Variants in ELFN1 observed in about 807,000 individuals in gnomAD.
ELFN1 encodes extracellular leucine rich repeat and fibronectin type III domain containing 1.
A neutral mutation model predicts 7.6 loss-of-function variants in ELFN1; 6 were observed. The ratio of observed to expected loss-of-function variants is 0.79; its 90% CI spans 0.43 to 1.56. ELFN1 has a LOEUF of 1.56. Among genes scored for constraint, ELFN1 ranks in the 40% most tolerant of loss-of-function variants. ELFN1 has a pLI of 0.01. For synonymous variants in ELFN1, 657 were observed against 588.1 expected (o/e 1.12, Z -1.70); for missense variants, 1,169 against 1,232.2 (o/e 0.95, Z 0.77).
At chr7:1,716,781 C>T (rs539605190) in intron 3 of ELFN1, among the ~76,000 whole-genome samples, 69 of 152,276 alleles carry the variant, frequency 4.5e-4, no homozygotes, top group African/African-American at 1.6e-3. Flanking sequence ...GGTCAGAGAG[C>T]GTGCAGGGGA....
chr7:1,717,603 C>G (rs973879910), intron 3 of ELFN1, among the ~76,000 whole-genome samples: 2 of 152,140 alleles, frequency 1.3e-5, no homozygotes, highest in Non-Finnish European at 2.9e-5. Flanking sequence ...CCTGACCTTC[C>G]CAGAGAGGAA....
chr7:1,725,496 T>G (rs1390970533), intron 3 of ELFN1, among the ~76,000 whole-genome samples: 2 of 148,340 alleles, frequency 1.3e-5, no homozygotes, highest in African/African-American at 5.0e-5. Flanking sequence ...GGGGGTGGGG[T>G]GGGAGCAGAA....
Position 1,745,930 on chromosome 7 carries a change from G to A in ELFN1, c.1334G>A (p.Arg445His), listed in dbSNP as rs755798651. 1.9e-5 allele frequency: 29 copies of A among 1,562,568 alleles called. No individual in the cohort carries two copies. In the East Asian group the frequency reaches 1.9e-4, roughly 10 times the overall value. Residue 445 changes from arginine to histidine, a missense_variant, in exon 4 of 4, where the codon CGC becomes CAC. Coordinates refer to ENST00000424383, the MANE Select transcript of ELFN1 (RefSeq NM_001128636.4). ...TACTACTGCCTGCGCAGGCGGCGGC[G>A]CCAGGAGGAGAAGCACAAGAAGGCC... ...AVYYCLRRRR[R>H]QEEKHKKAAS...
rs1038902733 is a variant in ELFN1, at chr7:1,670,624, C to T, written c.-549+270C>T. Among the ~76,000 whole-genome samples the T allele has an allele frequency of 6.6e-5, 10 of 151,850 alleles. No individual in the cohort carries two copies. The highest frequency in any genetic ancestry group is 2.2e-4 in the African/African-American group (9 of 41,154). The stretch of plus-strand genomic sequence containing the variant: ...GGGTCGGGGTCGCTGCCGCAGCCCG[C>T]ACGCTGCCCCGTGCCTCCGAGAGGT... On this transcript the variant is annotated intron_variant, in intron 1 of 3. Coordinates refer to ENST00000424383, the MANE Select transcript of ELFN1 (RefSeq NM_001128636.4). The surrounding 1 kb of genome is among the most constrained non-coding windows in gnomAD (Gnocchi z 6.4).
At chr7:1,723,852 C>A (rs553161794) in intron 3 of ELFN1, among the ~76,000 whole-genome samples, 2 of 152,354 alleles carry the variant, frequency 1.3e-5, no homozygotes, top group Admixed American at 1.3e-4. Context: ...CTGCAAGTTG[C>A]AGTGCACCTG....
At chr7:1,691,234 G>A (rs1779156301) in intron 2 of ELFN1, among the ~76,000 whole-genome samples, 1 of 152,184 alleles carries the variant, frequency 6.6e-6, no homozygotes, top group South Asian at 2.1e-4. Flanking sequence ...CCAGGAGCCA[G>A]GGGCCTCCGG....
intron 2 of ELFN1, among the ~76,000 whole-genome samples, chr7:1,699,808 A>G (rs1295219075): frequency 6.6e-6 from 1 of 152,066 alleles, no homozygotes; most frequent in Non-Finnish European, 1.5e-5. Flanking sequence ...GGTTCAAGCG[A>G]TTCTCCTGCC....
At position 1,705,956 on chromosome 7, in the gene ELFN1, G is replaced by A. The variant is rs1779520725; in HGVS notation, c.-455-3135G>A. On this transcript the variant is annotated intron_variant, in intron 2 of 3. Transcript: ENST00000424383. This position sits in a 1 kb window ranked among gnomAD's most constrained non-coding sequence, Gnocchi z 4.3. ...CTGTGAGCCTTCACCCTGACAAAGG[G>A]ATGGTCACGATCGTCCTTGTTCTAC... is the stretch of plus-strand genomic sequence containing the variant. Among the ~76,000 whole-genome samples the A allele has an allele frequency of 6.6e-6, 1 of 152,202 alleles. No homozygotes were observed. Among genetic ancestry groups the A allele is most frequent in the Admixed American group, 6.5e-5 (1 of 15,280 alleles).
At chr7:1,721,746 G>A (rs749958672) in intron 3 of ELFN1, among the ~76,000 whole-genome samples, 2 of 152,200 alleles carry the variant, frequency 1.3e-5, no homozygotes, top group African/African-American at 4.8e-5. Flanking sequence ...CATCGCTCAC[G>A]ATCTGCTGTC....
At chr7:1,719,230 A>C (rs919215134) in intron 3 of ELFN1, among the ~76,000 whole-genome samples, 17 of 69,874 alleles carry the variant, frequency 2.4e-4, no homozygotes, top group Admixed American at 3.1e-4. Context: ...AACAGGACCC[A>C]AGCCACCAAC....
Position 1,744,535 on chromosome 7 carries a change from C to G in ELFN1, c.-62C>G. The stretch of plus-strand genomic sequence containing the variant: ...CCCTCCATCCCTCTGGGGGCTGGCG[C>G]CTGGCCCCCCACCTGGTCCCCCTGG... On this transcript the variant is annotated 5_prime_UTR_variant, in exon 4 of 4. Coordinates refer to ENST00000424383, the MANE Select transcript of ELFN1 (RefSeq NM_001128636.4). 7.0e-6 allele frequency: 10 copies of G among 1,432,350 alleles called. No individual in the cohort carries two copies. The highest frequency in any genetic ancestry group is 9.1e-6 in the Non-Finnish European group (10 of 1,098,128). The allele number at this position is 1,432,350 out of a possible 1,614,324, so 88.7% of individuals were successfully genotyped here.
chr7:1,729,082 C>T (rs1361992819), intron 3 of ELFN1, among the ~76,000 whole-genome samples: 7 of 152,232 alleles, frequency 4.6e-5, no homozygotes, highest in African/African-American at 1.7e-4. Context: ...GCGGAGCTGC[C>T]ACTGCCAGCT....
intron 3 of ELFN1, among the ~76,000 whole-genome samples, chr7:1,718,360 G>A (rs894863788): frequency 2.0e-5 from 3 of 152,180 alleles, no homozygotes; most frequent in African/African-American, 7.2e-5. Context: ...GACACCCTGG[G>A]GCCGCAGTAC....
rs1778745847 is a variant in ELFN1 at position 1,670,622 on chromosome 7, C to G, written c.-549+268C>G. On this transcript the variant is annotated intron_variant, in intron 1 of 3. Coordinates refer to ENST00000424383, the MANE Select transcript of ELFN1 (RefSeq NM_001128636.4). This position sits in a 1 kb window ranked among gnomAD's most constrained non-coding sequence, Gnocchi z 6.4. ...CCGGGTCGGGGTCGCTGCCGCAGCC[C>G]GCACGCTGCCCCGTGCCTCCGAGAG... 1.3e-5 allele frequency among the ~76,000 whole-genome samples: 2 copies of G among 151,852 alleles called. No individual in the cohort carries two copies. The highest frequency in any genetic ancestry group is 4.9e-5 in the African/African-American group (2 of 41,160).
chr7:1,691,366 C>T (rs529511528), intron 2 of ELFN1, among the ~76,000 whole-genome samples: 2 of 152,318 alleles, frequency 1.3e-5, no homozygotes, highest in Admixed American at 6.5e-5. Flanking sequence ...GCTCTGCAGC[C>T]TTGGGTGCTT....
At chr7:1,676,637 C>T (rs1778876434) in intron 1 of ELFN1, among the ~76,000 whole-genome samples, 1 of 152,212 alleles carries the variant, frequency 6.6e-6, no homozygotes, top group South Asian at 2.1e-4. Flanking sequence ...CAGGTTCGGT[C>T]CCTGCGTCCC....
chr7:1,738,028 C>T (rs1780498129), intron 3 of ELFN1, among the ~76,000 whole-genome samples: 1 of 152,236 alleles, frequency 6.6e-6, no homozygotes, highest in Non-Finnish European at 1.5e-5. Context: ...CAGATGCCCC[C>T]AGGACAGCCG....
Position 1,713,363 on chromosome 7 carries a change from C to T in ELFN1, c.-294+4111C>T, listed in dbSNP as rs371263552. ...TGTGCGGTCTGACGGTGGAGGCAGC[C>T]GCTCCGCTGAGTCTTCCTCAGGAAC... On this transcript the variant is annotated intron_variant, in intron 3 of 3. Coordinates refer to ENST00000424383, the MANE Select transcript of ELFN1 (RefSeq NM_001128636.4). 6.6e-5 allele frequency among the ~76,000 whole-genome samples: 10 copies of T among 152,292 alleles called. No individual in the cohort carries two copies. The South Asian group carries it at 8.3e-4, about 13-fold the overall frequency.
chr7:1,680,591 G>T (rs1778956493), intron 1 of ELFN1, among the ~76,000 whole-genome samples: 2 of 152,128 alleles, frequency 1.3e-5, no homozygotes, highest in South Asian at 4.1e-4. Flanking sequence ...CATTGCAAGG[G>T]CACCAGGCAG....
Sources: gnomAD v4.1 joint callset for allele counts (sites outside exome capture counted in the v4.1 genomes callset) on GRCh38, gnomAD v4.1.1 for gene constraint, Gnocchi (gnomAD v3.1) non-coding constraint, MANE v1.5 for transcripts, NCBI Gene and HGNC (gene_info 2026-07-23, HGNC 2026-07-21) for gene names.